PTPRN: variants seen among roughly 807,000 people sequenced by gnomAD.
PTPRN encodes the protein receptor-type tyrosine-protein phosphatase-like N.
PTPRN carries 70 observed loss-of-function variants against 108.5 expected under a neutral mutation model. The observed-to-expected ratio is 0.65, with a 90% confidence interval of 0.53 to 0.79. The LOEUF is 0.79. PTPRN is among the 30% of genes least tolerant of loss of function. The probability of loss-of-function intolerance (pLI) is 0.00; values close to 1 mark genes in which losing one functional copy is unlikely to be tolerated. For synonymous variants in PTPRN, 496 were observed against 524.6 expected (o/e 0.95, Z 0.75); for missense variants, 1,136 against 1,295.5 (o/e 0.88, Z 1.89).
intron 12 of PTPRN, 78 bp downstream of exon 12, chr2:219,298,969 C>T (rs1952272807): frequency 1.9e-6 from 3 of 1,548,412 alleles, no homozygotes; most frequent in South Asian, 2.2e-5. Flanking sequence ...TCCAGTTCTC[C>T]CCTCTGGTTT....
chr2:219,294,867 A>G (rs1277161494), intron 19 of PTPRN, 108 bp downstream of exon 19: 1 of 1,171,030 alleles, frequency 8.5e-7, no homozygotes. Context: ...GCCAGAAGTC[A>G]GAGGCCGAGG....
In PTPRN at chr2:219,302,343, TC is replaced by T; in HGVS notation, c.787del (p.Asp263ThrfsTer55). The T allele has an allele frequency of 6.2e-7, 1 of 1,613,624 alleles. No individual in the cohort carries two copies. Among genetic ancestry groups the T allele is most frequent in the Non-Finnish European group, 8.5e-7 (1 of 1,179,752 alleles). On this transcript the variant is annotated frameshift_variant, in exon 6 of 23. Coordinates refer to ENST00000295718, the MANE Select transcript of PTPRN (RefSeq NM_002846.4). LOFTEE classifies it high-confidence loss of function. ...CTGGGCAGGTGAAGGCCCTGGAAGGTCCCCGTAGGAGTGGCCAGGGTGGTCC... is the reference window on the plus strand; with the variant it reads ...CTGGGCAGGTGAAGGCCCTGGAAGGTCCCGTAGGAGTGGCCAGGGTGGTCC... ...FGDHPGHSYG[D>X]LPGPSPAQLF...
In PTPRN at chr2:219,302,475, C is replaced by A. The variant is rs767272930; in HGVS notation, c.656G>T (p.Gly219Val). The change falls in exon 6 of 23, where the codon GGC (glycine) becomes GTC (valine). Residue 219 changes from glycine (G) to valine (V), a missense_variant. Physicochemically the swap from Gly to Val is moderately radical, Grantham distance 109. Transcript: ENST00000295718. ...YLFHQFGSRD[G>V]SRVSEGSPGM... ...TGGGGAGCCCTCTGAGACCCTGGAGCCATCACGGGAGCCAAACTGTGGAAA... is the reference window on the plus strand; with the variant it reads ...TGGGGAGCCCTCTGAGACCCTGGAGACATCACGGGAGCCAAACTGTGGAAA... 1 of 1,613,826 alleles carries A rather than the reference C, an allele frequency of 6.2e-7. No homozygotes were observed. Among genetic ancestry groups the A allele is most frequent in the South Asian group, 1.1e-5 (1 of 91,066 alleles).
At chr2:219,291,792 T>C (rs1952060442) in intron 19 of PTPRN, 1 of 542,882 alleles carries the variant, frequency 1.8e-6, no homozygotes, top group East Asian at 3.2e-5. Context: ...TCAGTTTTCT[T>C]ACCTGTAAAA....
Position 219,291,529 on chromosome 2 carries a change from AC to A in PTPRN, c.2676-7del. 6.2e-7 allele frequency: 1 copy of A among 1,613,902 alleles called. No individual in the cohort carries two copies. The highest frequency in any genetic ancestry group is 8.5e-7 in the Non-Finnish European group (1 of 1,179,960). On this transcript the variant is annotated splice_region_variant and splice_polypyrimidine_tract_variant and intron_variant, in intron 19 of 22. Transcript: ENST00000295718. ...GGTAGCACTTGTTCACCTTCCTGCA[AC>A]AAGAAATGGGTGTGAGGGCCAGTGG...
chr2:219,296,848 A>C lies in PTPRN; in HGVS notation c.2237-26T>G. 1.2e-6 allele frequency: 2 copies of C among 1,614,026 alleles called. No homozygotes were observed. The highest frequency in any genetic ancestry group is 1.7e-6 in the Non-Finnish European group (2 of 1,179,958). On this transcript the variant is annotated intron_variant, in intron 15 of 22. Transcript: ENST00000295718. This position sits in a 1 kb window ranked among gnomAD's most constrained non-coding sequence, Gnocchi z 6.0. ...CTGCACAGACCCGACACCCCACCCC[A>C]GATGGCCCTCTGGTCATTGGCATCG...
chr2:219,298,105 T>A lies in PTPRN; in HGVS notation c.1669-2A>T. 6.2e-7 allele frequency: 1 copy of A among 1,611,452 alleles called. No homozygotes were observed. The highest frequency in any genetic ancestry group is 8.5e-7 in the Non-Finnish European group (1 of 1,179,708). On this transcript the variant is annotated splice_acceptor_variant, in intron 12 of 22. Coordinates refer to ENST00000295718, the MANE Select transcript of PTPRN (RefSeq NM_002846.4). LOFTEE classifies it high-confidence loss of function. Reference sequence around the variant, plus strand: ...AAGGACTGCAGCTGCCTCCTCCCTCTGTGGGAACAAGGCTAGAATCAAGGG... The same window carrying A: ...AAGGACTGCAGCTGCCTCCTCCCTCAGTGGGAACAAGGCTAGAATCAAGGG...
intron 3 of PTPRN, among the ~76,000 whole-genome samples, chr2:219,306,848 C>A (rs1228860473): frequency 6.6e-6 from 1 of 152,206 alleles, no homozygotes; most frequent in Non-Finnish European, 1.5e-5. Context: ...CAATAATGTC[C>A]ACCTTAACCA....
rs1002114571 is a variant in PTPRN, at chr2:219,303,896, G to A, written c.281-65C>T. On this transcript the variant is annotated intron_variant, in intron 3 of 22. Coordinates refer to ENST00000295718, the MANE Select transcript of PTPRN (RefSeq NM_002846.4). ...TGGGGATCCAGTAACGGGGACCACT[G>A]GGGATCAGAACTGTACCCTCTGCCC... 4 of 1,265,058 alleles carry A rather than the reference G, an allele frequency of 3.2e-6. No individual in the cohort carries two copies. The African/African-American group carries it at 4.5e-5, about 14-fold the overall frequency. The allele number at this position is 1,265,058 out of a possible 1,614,324, so 78.4% of individuals were successfully genotyped here.
chr2:219,296,577 G>A lies in PTPRN; in HGVS notation c.2311-61C>T, dbSNP rs1403626140. On this transcript the variant is annotated intron_variant, in intron 16 of 22. Coordinates refer to ENST00000295718, the MANE Select transcript of PTPRN (RefSeq NM_002846.4). This position sits in a 1 kb window ranked among gnomAD's most constrained non-coding sequence, Gnocchi z 6.0. ...GGAAATGCCACTATGGACAGGCGTG[G>A]TCAGAGCAAGTGGGTCAGGGTCTGA... 3 of 1,598,608 alleles carry A rather than the reference G, an allele frequency of 1.9e-6. No individual in the cohort carries two copies. Among genetic ancestry groups the A allele is most frequent in the Non-Finnish European group, 2.6e-6 (3 of 1,167,170 alleles).
intron 6 of PTPRN, 73 bp downstream of exon 6, chr2:219,302,064 G>A: frequency 1.5e-6 from 2 of 1,325,326 alleles, no homozygotes; most frequent in South Asian, 2.8e-5. Flanking sequence ...CGCATAGATT[G>A]TCAGGGAAGG....
rs556680356 is a variant in PTPRN at position 219,290,112 on chromosome 2, G to C, written c.*114C>G. On this transcript the variant is annotated 3_prime_UTR_variant, in exon 23 of 23. Coordinates refer to ENST00000295718, the MANE Select transcript of PTPRN (RefSeq NM_002846.4). This position sits in a 1 kb window ranked among gnomAD's most constrained non-coding sequence, Gnocchi z 4.2. ...TTCCCTTCCTGACTCTTCTAGGAAGGGCTGAGCATGCCCAAGAGGTGGCTG... is the reference window on the plus strand; with the variant it reads ...TTCCCTTCCTGACTCTTCTAGGAAGCGCTGAGCATGCCCAAGAGGTGGCTG... The C allele has an allele frequency of 9.9e-7, 1 of 1,011,782 alleles. No individual in the cohort carries two copies. The highest frequency in any genetic ancestry group is 1.5e-6 in the Non-Finnish European group (1 of 654,936). The allele number at this position is 1,011,782 out of a possible 1,614,324, so 62.7% of individuals were successfully genotyped here. A position where few individuals can be genotyped will look rare whatever the true frequency, so the allele number is the denominator to read the frequency against.
In PTPRN at chr2:219,290,050, T is replaced by C; in HGVS notation, c.*176A>G. ...CTGGGCTCTGGGATGCCCCAGGCTC[T>C]GGCATGCGAGGCTGGGCAGGCGTGC... On this transcript the variant is annotated 3_prime_UTR_variant, in exon 23 of 23. Coordinates refer to ENST00000295718, the MANE Select transcript of PTPRN (RefSeq NM_002846.4). The surrounding 1 kb of genome is among the most constrained non-coding windows in gnomAD (Gnocchi z 4.2). 1.6e-6 allele frequency: 1 copy of C among 636,682 alleles called. No individual in the cohort carries two copies. The highest frequency in any genetic ancestry group is 2.8e-6 in the Non-Finnish European group (1 of 356,780). The allele number at this position is 636,682 out of a possible 1,614,324, so 39.4% of individuals were successfully genotyped here.
Position 219,302,271 on chromosome 2 carries a change from G to A in PTPRN, c.860C>T (p.Ala287Val), listed in dbSNP as rs1952369536. 2 of 1,614,184 alleles carry A rather than the reference G, an allele frequency of 1.2e-6. No individual in the cohort carries two copies. The highest frequency in any genetic ancestry group is 1.7e-6 in the Non-Finnish European group (2 of 1,180,028). The change falls in exon 6 of 23, where the codon GCA (alanine) becomes GTA (valine). Residue 287 changes from alanine (A) to valine (V), a missense_variant. Transcript: ENST00000295718. ...CCTTGGCACCCTGGCCCTGCTGGGT[G>A]CTGGCAACTCCTGGGCCAGATAGAG... ...GLLYLAQELPAPSRARVPRLP... is the reference protein window; with the variant it reads ...GLLYLAQELPVPSRARVPRLP...
At chr2:219,291,427 C>T (rs774997645) in intron 20 of PTPRN, 43 bp downstream of exon 20, 2 of 1,599,644 alleles carry the variant, frequency 1.3e-6, no homozygotes, top group Admixed American at 1.7e-5. Context: ...AGGAGACGCA[C>T]ACAGGGAGTG....
rs550151077 is a variant in PTPRN at position 219,301,074 on chromosome 2, C to T, written c.1127-97G>A. On this transcript the variant is annotated intron_variant, in intron 7 of 22. Coordinates refer to ENST00000295718, the MANE Select transcript of PTPRN (RefSeq NM_002846.4). ...AGGGCCAGAGACCCTGAGCCTGGAA[C>T]ATTTGCTGTGGTCTTCATCTCAGTC... The T allele has an allele frequency of 3.5e-4, 426 of 1,230,918 alleles. 3 individuals carry two copies. In the African/African-American group the frequency reaches 5.6e-3, roughly 16 times the overall value. The allele number at this position is 1,230,918 out of a possible 1,614,324, so 76.2% of individuals were successfully genotyped here.
In PTPRN at chr2:219,290,175, A is replaced by G. The variant is rs765212915; in HGVS notation, c.*51T>C. ...GGAGTGGGTACACAGAGATGCTCAC[A>G]CAGGCAAAGAGGGACAGAGGCTGGG... On this transcript the variant is annotated 3_prime_UTR_variant, in exon 23 of 23. Transcript: ENST00000295718. This position sits in a 1 kb window ranked among gnomAD's most constrained non-coding sequence, Gnocchi z 4.2. 4 of 1,522,788 alleles carry G rather than the reference A, an allele frequency of 2.6e-6. No homozygotes were observed. The highest frequency in any genetic ancestry group is 3.6e-6 in the Non-Finnish European group (4 of 1,097,666). 94.3% of individuals were successfully genotyped at this position (1,522,788 alleles called of 1,614,324 possible).
At chr2:219,309,187 C>G in intron 1 of PTPRN, 31 bp downstream of exon 1, 1 of 1,374,332 alleles carries the variant, frequency 7.3e-7, no homozygotes, top group South Asian at 1.2e-5. Context: ...CCCCGCCCCC[C>G]ACCACCCGCC....
intron 2 of PTPRN, 79 bp from the exon 3 acceptor site, chr2:219,307,636 C>A: frequency 6.8e-7 from 1 of 1,466,484 alleles, no homozygotes. Context: ...GGACTGTACT[C>A]TCTTCACTTT....
Sources: allele counts gnomAD v4.1 joint callset (sites outside exome capture counted in the v4.1 genomes callset), GRCh38; gene constraint gnomAD v4.1.1; non-coding constraint Gnocchi (gnomAD v3.1); transcripts MANE v1.5; gene names NCBI Gene and HGNC (gene_info 2026-07-23, HGNC 2026-07-21).